ESYT2: variants seen among roughly 807,000 people sequenced by gnomAD.
ESYT2 encodes the protein extended synaptotagmin 2.
Under a neutral mutation model 107.2 loss-of-function variants are expected in ESYT2, and 54 were observed. The ratio of observed to expected loss-of-function variants is 0.50; its 90% confidence interval spans 0.40 to 0.63. The LOEUF (loss-of-function observed/expected upper bound fraction) is 0.63. Among genes scored for constraint, ESYT2 ranks in the 30% least tolerant of loss-of-function variants. The pLI is 0.00. For missense variants in ESYT2, 1,020 were observed against 1,094.5 expected, an observed-to-expected ratio of 0.93 and a Z score of 0.96; for synonymous variants, 491 against 434.1, an observed-to-expected ratio of 1.13 and a Z score of -1.63.
chr7:158,757,543 C>T (rs1223065506), intron 13 of ESYT2, among the ~76,000 whole-genome samples: 2 of 151,902 alleles, frequency 1.3e-5, no homozygotes, highest in African/African-American at 4.8e-5. Flanking sequence ...TCCCAGAGCT[C>T]GCGGGACGCC....
At chr7:158,826,364 T>A (rs957320059) in intron 1 of ESYT2, among the ~76,000 whole-genome samples, 2 of 152,120 alleles carry the variant, frequency 1.3e-5, no homozygotes, top group African/African-American at 4.8e-5. Context: ...TTTACACATG[T>A]GGGATTATGA....
At chr7:158,750,236 C>T (rs1837537638) in intron 14 of ESYT2, among the ~76,000 whole-genome samples, 2 of 151,976 alleles carry the variant, frequency 1.3e-5, no homozygotes, top group African/African-American at 4.8e-5. Context: ...TGCTTACCAG[C>T]TGCTAAATAA....
intron 1 of ESYT2, among the ~76,000 whole-genome samples, chr7:158,812,736 G>A (rs893709648): frequency 2.6e-5 from 4 of 152,250 alleles, no homozygotes; most frequent in South Asian, 2.1e-4. Flanking sequence ...CTGTGGTACC[G>A]GAATATTCAG....
chr7:158,820,289 G>A (rs1461728769), intron 1 of ESYT2, among the ~76,000 whole-genome samples: 1 of 152,094 alleles, frequency 6.6e-6, no homozygotes, highest in Non-Finnish European at 1.5e-5. Context: ...GAGATCTATT[G>A]TACAACACTG....
chr7:158,738,217 CAGG>C (rs971492783), intron 19 of ESYT2, among the ~76,000 whole-genome samples: 1 of 150,682 alleles, frequency 6.6e-6, no homozygotes, highest in Admixed American at 6.6e-5. Flanking sequence ...GTGGCTGAGG[CAGG>C]AGAATTGCTT....
At chr7:158,756,946 G>T (rs1251570384) in intron 13 of ESYT2, among the ~76,000 whole-genome samples, 33 of 149,678 alleles carry the variant, frequency 2.2e-4, no homozygotes, top group African/African-American at 6.4e-4. Flanking sequence ...AAAAGGAGGG[G>T]ATAGATTTTA....
intron 20 of ESYT2, among the ~76,000 whole-genome samples, chr7:158,735,852 C>T (rs1307604648): frequency 6.6e-6 from 1 of 152,078 alleles, no homozygotes; most frequent in Non-Finnish European, 1.5e-5. Flanking sequence ...TCCCAAGGTC[C>T]CTGGCTCACT....
chr7:158,828,951 T>A, intron 1 of ESYT2, 138 bp downstream of exon 1: 1 of 1,323,712 alleles, frequency 7.6e-7, no homozygotes, highest in Non-Finnish European at 9.7e-7. Flanking sequence ...GGTGGGGGAC[T>A]ACGAAGGCGG....
intron 13 of ESYT2, among the ~76,000 whole-genome samples, chr7:158,755,719 A>G (rs886463575): frequency 2.6e-5 from 4 of 152,210 alleles, no homozygotes; most frequent in Non-Finnish European, 5.9e-5. Context: ...GACTATGGTT[A>G]CCACTTACTA....
At chr7:158,770,415 C>T (rs1029996212) in intron 7 of ESYT2, among the ~76,000 whole-genome samples, 6 of 151,070 alleles carry the variant, frequency 4.0e-5, no homozygotes, top group Admixed American at 1.3e-4. Context: ...TTACATTTCC[C>T]TTTTATACAA....
Position 158,731,923 on chromosome 7 carries a change from T to C in ESYT2, c.*2284A>G, listed in dbSNP as rs1836766119. 6.6e-6 allele frequency: 1 copy of C among 152,352 alleles called. No homozygotes were observed. Among genetic ancestry groups the C allele is most frequent in the African/African-American group, 2.4e-5 (1 of 41,438 alleles). The allele number at this position is 152,352 out of a possible 1,614,324, so 9.4% of individuals were successfully genotyped here. A position where few individuals can be genotyped will look rare whatever the true frequency, so the allele number is the denominator to read the frequency against. Reference sequence around the variant, plus strand: ...TGGGAGGCACTTCAGTGCCTCAGAATCACCCCCTTTTTTTAAAAGAGAATG... The same window carrying C: ...TGGGAGGCACTTCAGTGCCTCAGAACCACCCCCTTTTTTTAAAAGAGAATG... On this transcript the variant is annotated 3_prime_UTR_variant, in exon 23 of 23. Coordinates refer to ENST00000275418, the MANE Select transcript of ESYT2 (RefSeq NM_001367773.1).
chr7:158,758,417 C>G (rs1019408986), intron 13 of ESYT2, among the ~76,000 whole-genome samples: 1 of 152,062 alleles, frequency 6.6e-6, no homozygotes. Context: ...TACAGGGGAT[C>G]GAGAGGCCGA....
At chr7:158,808,240 T>C (rs551074452) in intron 1 of ESYT2, among the ~76,000 whole-genome samples, 5 of 152,278 alleles carry the variant, frequency 3.3e-5, no homozygotes, top group African/African-American at 1.2e-4. Context: ...AAACAATTCG[T>C]CAGTTTTAAA....
At position 158,779,718 on chromosome 7, in the gene ESYT2, C is replaced by T. The variant is rs73729991; in HGVS notation, c.748-6322G>A. Among the ~76,000 whole-genome samples, 425 of 152,312 alleles carry T rather than the reference C, an allele frequency of 2.8e-3. 3 individuals are homozygous for T. Among genetic ancestry groups the T allele is most frequent in the African/African-American group, 9.9e-3 (411 of 41,570 alleles). ...CCAATCTGCTCCTGTCTCTGATGTG[C>T]CTCATCTTGCTCACTGACTTCTCAC... is the stretch of plus-strand genomic sequence containing the variant. On this transcript the variant is annotated intron_variant, in intron 6 of 22. Transcript: ENST00000275418.
At chr7:158,758,442 G>A (rs1443960886) in intron 13 of ESYT2, among the ~76,000 whole-genome samples, 1 of 152,184 alleles carries the variant, frequency 6.6e-6, no homozygotes, top group East Asian at 1.9e-4. Flanking sequence ...TGAGGTCCAG[G>A]ATGTGTGTCA....
intron 7 of ESYT2, among the ~76,000 whole-genome samples, chr7:158,771,320 G>C (rs1838361313): frequency 6.6e-6 from 1 of 152,242 alleles, no homozygotes; most frequent in African/African-American, 2.4e-5. Context: ...CTACACTGAT[G>C]TGTGTGGATG....
rs1419748240 is a variant in ESYT2 at position 158,749,680 on chromosome 7, A to G, written c.1526T>C (p.Met509Thr). 6.2e-7 allele frequency: 1 copy of G among 1,613,978 alleles called. No individual in the cohort carries two copies. The highest frequency in any genetic ancestry group is 8.5e-7 in the Non-Finnish European group (1 of 1,180,016). Residue 509 changes from methionine (M) to threonine (T), a missense_variant, in exon 15 of 23, where the codon ATG becomes ACG. Coordinates refer to ENST00000275418, the MANE Select transcript of ESYT2 (RefSeq NM_001367773.1). ...CTCCTGGGCCTTGTGCCCAACTGAC[A>G]TCTGGACAACAGGATTTGGGTTGCT... The part of the protein sequence containing the change: ...ISSNPNPVVQ[M>T]SVGHKAQESK...
In ESYT2 at chr7:158,759,520, A is replaced by C; in HGVS notation, c.1385T>G (p.Leu462Arg). ...CCTTGCTGAATCCAAGTACAAGATC[A>C]GCAATGCAGAGGAAAGACCATCGTT... is the stretch of plus-strand genomic sequence containing the variant. ...QANDGLSSAL[L>R]ILYLDSARNL... The change falls in exon 13 of 23, where the codon CTG becomes CGG. Residue 462 changes from leucine to arginine, a missense_variant. Leu to Arg is a moderately radical substitution (Grantham distance 102). Transcript: ENST00000275418. The C allele has an allele frequency of 6.2e-7, 1 of 1,611,918 alleles. No homozygotes were observed. The highest frequency in any genetic ancestry group is 8.5e-7 in the Non-Finnish European group (1 of 1,178,072).
At chr7:158,806,848 T>C (rs947201967) in intron 1 of ESYT2, among the ~76,000 whole-genome samples, 1 of 152,178 alleles carries the variant, frequency 6.6e-6, no homozygotes, top group Non-Finnish European at 1.5e-5. Flanking sequence ...TTGTTTTTAT[T>C]TTAAATTTAA....
Sources: gnomAD v4.1 joint callset for allele counts (sites outside exome capture counted in the v4.1 genomes callset) on GRCh38, gnomAD v4.1.1 for gene constraint, MANE v1.5 for transcripts, NCBI Gene and HGNC (gene_info 2026-07-23, HGNC 2026-07-21) for gene names.